Variants in IL1RAPL2 observed in about 807,000 individuals in gnomAD.
The protein encoded by IL1RAPL2 is interleukin 1 receptor accessory protein like 2.
In IL1RAPL2, 3 loss-of-function variants were observed where a neutral mutation model predicts 44.1. The ratio of observed to expected loss-of-function variants is 0.07; its 90% CI spans 0.03 to 0.18. IL1RAPL2 has a LOEUF of 0.18. IL1RAPL2 is among the 10% of genes least tolerant of loss of function. The pLI, the probability that IL1RAPL2 is intolerant of heterozygous loss-of-function variation, is 1.00. For missense variants in IL1RAPL2, 391 were observed against 496.4 expected, an observed-to-expected ratio of 0.79 and a Z score of 2.02; for synonymous variants, 181 against 178.8, an observed-to-expected ratio of 1.01 and a Z score of -0.10.
At chrX:105,568,082 G>GGTGT (rs748606371) in intron 6 of IL1RAPL2, among the ~76,000 whole-genome samples, 2 of 109,088 alleles carry the variant, frequency 1.8e-5, no homozygotes, top group African/African-American at 3.3e-5. Flanking sequence ...TGTGCATGCA[G>GGTGT]GTGTGTGTGT....
At chrX:105,684,911 AG>A (rs1473897354) in intron 6 of IL1RAPL2, among the ~76,000 whole-genome samples, 2 of 112,059 alleles carry the variant, frequency 1.8e-5, no homozygotes, top group Non-Finnish European at 3.8e-5. Flanking sequence ...CCAGGCAAAC[AG>A]GGTCTGGAGT....
chrX:104,650,284 C>A (rs918237904), intron 1 of IL1RAPL2, among the ~76,000 whole-genome samples: 4 of 111,839 alleles, frequency 3.6e-5, no homozygotes, highest in Non-Finnish European at 7.5e-5. Context: ...AGGTATTATA[C>A]ATGCTCCTGT....
chrX:105,146,402 A>C (rs929545190), intron 2 of IL1RAPL2, among the ~76,000 whole-genome samples: 2 of 111,272 alleles, frequency 1.8e-5, no homozygotes, highest in Non-Finnish European at 3.8e-5. Flanking sequence ...AAGAGGGTAG[A>C]AAAAGGTTTT....
intron 2 of IL1RAPL2, among the ~76,000 whole-genome samples, chrX:104,751,365 C>A (rs910756906): frequency 9.0e-6 from 1 of 111,453 alleles, no homozygotes; most frequent in African/African-American, 3.3e-5. Context: ...ATATTAAATA[C>A]TGTAATCATA....
rs764301031 is a variant in IL1RAPL2 at position 105,587,565 on chromosome X, C to T, written c.772+103178C>T. ...TTTCTTTTCTACTTTATTAGTTGAA[C>T]TTTAATGTTCTTCCTTTATTATTTT... On this transcript the variant is annotated intron_variant, in intron 6 of 10. Coordinates refer to ENST00000372582, the MANE Select transcript of IL1RAPL2 (RefSeq NM_017416.2). 7.2e-5 allele frequency among the ~76,000 whole-genome samples: 8 copies of T among 111,370 alleles called. No individual in the cohort carries two copies. The Admixed American group carries it at 7.7e-4, about 11-fold the overall frequency.
chrX:105,182,034 T>A (rs1335074886), intron 2 of IL1RAPL2, among the ~76,000 whole-genome samples: 2 of 101,347 alleles, frequency 2.0e-5, no homozygotes, highest in African/African-American at 7.6e-5. Flanking sequence ...GCCACTGCAC[T>A]CCAGCCTGGG....
rs56943264 is a variant in IL1RAPL2 at position 105,094,713 on chromosome X, CA to C, written c.83-100753del. ...TTTAAAATTAACTTGTTCATTTCTG[CA>C]AAAAAAAAGGCAGTTGGAATTTTGA... On this transcript the variant is annotated intron_variant, in intron 2 of 10. Coordinates refer to ENST00000372582, the MANE Select transcript of IL1RAPL2 (RefSeq NM_017416.2). Among the ~76,000 whole-genome samples the C allele has an allele frequency of 3.2e-3, 345 of 107,332 alleles. 2 individuals carry two copies. Among genetic ancestry groups the C allele is most frequent in the African/African-American group, 0.011 (313 of 29,677 alleles). The allele number at this position is 107,332 out of a possible 115,157, so 93.2% of individuals were successfully genotyped here.
intron 5 of IL1RAPL2, among the ~76,000 whole-genome samples, chrX:105,455,372 A>C (rs1467600266): frequency 2.7e-5 from 3 of 111,582 alleles, no homozygotes; most frequent in Admixed American, 9.9e-5. Flanking sequence ...TGCTTTTGGC[A>C]TTCTCATCAT....
chrX:104,622,103 C>T (rs1372960787), intron 1 of IL1RAPL2, among the ~76,000 whole-genome samples: 2 of 109,732 alleles, frequency 1.8e-5, no homozygotes, highest in East Asian at 2.9e-4. Flanking sequence ...TGCTTGTTTG[C>T]ACCTCAGTTC....
rs924812059 is a variant in IL1RAPL2, at chrX:105,108,424, G to A, written c.83-87051G>A. The stretch of plus-strand genomic sequence containing the variant: ...CAGCTCACTGCAACCTCCATTTCCT[G>A]GGCTCAGGTGATCCTCCTGTCTCAG... On this transcript the variant is annotated intron_variant, in intron 2 of 10. Transcript: ENST00000372582. 9.0e-5 allele frequency among the ~76,000 whole-genome samples: 10 copies of A among 110,508 alleles called. No homozygotes were observed. In the Middle Eastern group the frequency reaches 0.014, roughly 156 times the overall value.
intron 6 of IL1RAPL2, among the ~76,000 whole-genome samples, chrX:105,584,741 T>C (rs1048344941): frequency 3.6e-5 from 4 of 111,636 alleles, no homozygotes; most frequent in Non-Finnish European, 7.5e-5. Flanking sequence ...TTCTGAATAT[T>C]ATGTCTTTTT....
At chrX:105,097,348 A>G (rs992975449) in intron 2 of IL1RAPL2, among the ~76,000 whole-genome samples, 2 of 106,279 alleles carry the variant, frequency 1.9e-5, no homozygotes, top group African/African-American at 6.9e-5. Context: ...AAAAAAAAAA[A>G]AAAAAACATG....
At chrX:105,480,278 T>C (rs960205197) in intron 5 of IL1RAPL2, among the ~76,000 whole-genome samples, 4 of 112,276 alleles carry the variant, frequency 3.6e-5, no homozygotes, top group African/African-American at 6.5e-5. Flanking sequence ...GTTGTACATA[T>C]AGATAAAATC....
At chrX:105,129,473 G>A (rs149094991) in intron 2 of IL1RAPL2, among the ~76,000 whole-genome samples, 266 of 110,457 alleles carry the variant, frequency 2.4e-3, no homozygotes, top group African/African-American at 8.4e-3. Context: ...TCAAACCATA[G>A]CATATGGCAC....
intron 2 of IL1RAPL2, among the ~76,000 whole-genome samples, chrX:104,895,719 C>T (rs1923622471): frequency 8.9e-6 from 1 of 111,963 alleles, no homozygotes. Flanking sequence ...AATTCCCTGA[C>T]CCCTTGTTCT....
chrX:104,935,832 G>C (rs774127301), intron 2 of IL1RAPL2, among the ~76,000 whole-genome samples: 1 of 111,562 alleles, frequency 9.0e-6, no homozygotes, highest in Non-Finnish European at 1.9e-5. Context: ...TAATGTGCAT[G>C]TAACTATTGT....
intron 2 of IL1RAPL2, among the ~76,000 whole-genome samples, chrX:104,963,934 T>TGTGAGAGA (rs1385054963): frequency 9.7e-6 from 1 of 102,675 alleles, no homozygotes; most frequent in African/African-American, 3.6e-5. Context: ...TGTGTGTGTG[T>TGTGAGAGA]GAGAGAGAGA....
intron 7 of IL1RAPL2, among the ~76,000 whole-genome samples, chrX:105,735,195 A>T (rs2038437505): frequency 9.0e-6 from 1 of 111,291 alleles, no homozygotes; most frequent in Non-Finnish European, 1.9e-5. Flanking sequence ...GAATATAGTG[A>T]TGTCTGTCAC....
intron 2 of IL1RAPL2, among the ~76,000 whole-genome samples, chrX:105,056,191 T>C (rs1040407724): frequency 2.7e-5 from 3 of 111,725 alleles, no homozygotes; most frequent in African/African-American, 9.8e-5. Context: ...GCAAATATTC[T>C]CACCTCCATA....
Sources: gnomAD v4.1 joint callset for allele counts (sites outside exome capture counted in the v4.1 genomes callset) on GRCh38, gnomAD v4.1.1 for gene constraint, MANE v1.5 for transcripts, NCBI Gene and HGNC (gene_info 2026-07-23, HGNC 2026-07-21) for gene names.